Variants in SPTBN1 observed in about 807,000 individuals in gnomAD.
SPTBN1 encodes spectrin beta, non-erythrocytic 1.
SPTBN1 carries 32 observed loss-of-function variants against 266.4 expected under a neutral mutation model. That is an observed-to-expected ratio of 0.12 (90% CI 0.09 to 0.16). The LOEUF is 0.16. Among genes scored for constraint, SPTBN1 ranks in the 10% least tolerant of loss-of-function variants. The probability of loss-of-function intolerance (pLI) is 1.00; values close to 1 mark genes in which losing one functional copy is unlikely to be tolerated. For synonymous variants in SPTBN1, 1,336 were observed against 1,162.2 expected (o/e 1.15, Z -3.04); for missense variants, 2,296 against 3,067.1 (o/e 0.75, Z 5.94).
In SPTBN1 at chr2:54,632,779, C is replaced by G. The variant is rs1572717448; in HGVS notation, c.3767+11C>G. 4 of 1,613,862 alleles carry G rather than the reference C, an allele frequency of 2.5e-6. No homozygotes were observed. The African/African-American group carries it at 5.3e-5, about 21-fold the overall frequency. On this transcript the variant is annotated intron_variant, in intron 17 of 35. Transcript: ENST00000356805. ...CTCTATTGATGACAGGTACAGTTTT[C>G]TGAGGTTCTTAAGGGAGCCTTGCAC...
intron 24 of SPTBN1, among the ~76,000 whole-genome samples, chr2:54,647,941 A>G (rs1680026200): frequency 6.6e-6 from 1 of 152,236 alleles, no homozygotes; most frequent in Non-Finnish European, 1.5e-5. Flanking sequence ...CCAGTTTAGT[A>G]AAGTAATTAC....
At chr2:54,500,048 A>T (rs1458476150) in intron 1 of SPTBN1, among the ~76,000 whole-genome samples, 2 of 152,208 alleles carry the variant, frequency 1.3e-5, no homozygotes, top group Non-Finnish European at 2.9e-5. Context: ...TTCATTTCTT[A>T]GGATTTGTTT....
At chr2:54,497,550 G>A (rs1669033899) in intron 1 of SPTBN1, among the ~76,000 whole-genome samples, 2 of 152,090 alleles carry the variant, frequency 1.3e-5, no homozygotes, top group African/African-American at 4.8e-5. Context: ...ACTGAACAGT[G>A]ACTTGGTGTG....
At chr2:54,633,681 C>G (rs768865396) in intron 17 of SPTBN1, among the ~76,000 whole-genome samples, 7 of 152,336 alleles carry the variant, frequency 4.6e-5, no homozygotes, top group South Asian at 4.1e-4. Flanking sequence ...AATCAAAAAA[C>G]AAGCCCTTCC....
intron 2 of SPTBN1, among the ~76,000 whole-genome samples, chr2:54,563,145 T>C (rs1673431528): frequency 6.6e-6 from 1 of 152,194 alleles, no homozygotes; most frequent in Non-Finnish European, 1.5e-5. Context: ...TTCATATTTA[T>C]ATATATATTT....
At chr2:54,555,244 C>T (rs1161191287) in intron 2 of SPTBN1, among the ~76,000 whole-genome samples, 1 of 152,178 alleles carries the variant, frequency 6.6e-6, no homozygotes, top group Non-Finnish European at 1.5e-5. Flanking sequence ...TCTCAACTCC[C>T]ACCTCTGCAC....
chr2:54,560,817 TCAAGTATGGTGGAC>T (rs1673247959), intron 2 of SPTBN1, among the ~76,000 whole-genome samples: 1 of 152,180 alleles, frequency 6.6e-6, no homozygotes, highest in East Asian at 1.9e-4. Flanking sequence ...GAATTAACTT[TCAAGTATGGTGGAC>T]CTCAGGAGAA....
chr2:54,544,426 T>A (rs947472054), intron 2 of SPTBN1, among the ~76,000 whole-genome samples: 4 of 152,214 alleles, frequency 2.6e-5, no homozygotes, highest in Admixed American at 2.6e-4. Flanking sequence ...AGGTATCTCA[T>A]TTGTGATGTC....
At chr2:54,585,653 A>G (rs1675243199) in intron 2 of SPTBN1, among the ~76,000 whole-genome samples, 1 of 152,204 alleles carries the variant, frequency 6.6e-6, no homozygotes, top group Non-Finnish European at 1.5e-5. Context: ...GTAGCTGAGT[A>G]TCAATTGTCT....
At chr2:54,528,452 A>G (rs1670967094) in intron 2 of SPTBN1, 1 of 152,614 alleles carries the variant, frequency 6.6e-6, no homozygotes, top group African/African-American at 2.4e-5. Context: ...CAGTAACTGT[A>G]GTCATAATAA....
intron 17 of SPTBN1, among the ~76,000 whole-genome samples, chr2:54,634,864 G>T (rs935487861): frequency 1.3e-5 from 2 of 152,304 alleles, no homozygotes; most frequent in South Asian, 4.1e-4. Flanking sequence ...AAGTGCCTGT[G>T]AGTGGGAAGA....
At chr2:54,612,976 A>G (rs374050815) in intron 4 of SPTBN1, among the ~76,000 whole-genome samples, 233 of 152,326 alleles carry the variant, frequency 1.5e-3, no homozygotes, top group Middle Eastern at 0.014. Context: ...CATTTTGTCC[A>G]CTTCTTTCAC....
At chr2:54,557,624 C>T in intron 2 of SPTBN1, 1 of 746,418 alleles carries the variant, frequency 1.3e-6, no homozygotes. Flanking sequence ...ATCTCCCCTC[C>T]GGATCATAAA....
chr2:54,649,793 T>A lies in SPTBN1; in HGVS notation c.5381T>A (p.Ile1794Asn). The A allele has an allele frequency of 6.2e-7, 1 of 1,614,188 alleles. No homozygotes were observed. The highest frequency in any genetic ancestry group is 1.6e-4 in the Middle Eastern group (1 of 6,062). ...GCCTGGGCCGACCTCCTGGAGCTCA[T>A]TGACACAAGAACACAGATTCTTGCC... ...NEAWADLLEL[I>N]DTRTQILAAS... Residue 1794 changes from isoleucine (I) to asparagine (N), a missense_variant, in exon 26 of 36, where the codon ATT (isoleucine) becomes AAT (asparagine). This residue lies in a region of SPTBN1 where 644 missense variants were observed against 745.3 expected (regional missense o/e 0.86). Transcript: ENST00000356805. The surrounding 1 kb of genome is among the most constrained non-coding windows in gnomAD (Gnocchi z 6.7).
chr2:54,509,910 G>T (rs150187594), intron 1 of SPTBN1, among the ~76,000 whole-genome samples: 12 of 151,800 alleles, frequency 7.9e-5, no homozygotes, highest in Non-Finnish European at 1.5e-4. Context: ...GTGCAAATGG[G>T]TGGGTGCAGG....
At chr2:54,464,218 A>G (rs1392620793) in intron 1 of SPTBN1, among the ~76,000 whole-genome samples, 2 of 152,242 alleles carry the variant, frequency 1.3e-5, no homozygotes, top group African/African-American at 4.8e-5. Context: ...AATTAAAAAT[A>G]AGGACAAGTT....
Position 54,603,928 on chromosome 2 carries a change from G to A in SPTBN1, c.300+4685G>A, listed in dbSNP as rs1210085633. On this transcript the variant is annotated intron_variant, in intron 3 of 35. Transcript: ENST00000356805. ...CCTGAACAAGAGATTGGCAGACACT[G>A]TAGACTTCAGCTTTGGTGCTAGTGA... 3.9e-5 allele frequency among the ~76,000 whole-genome samples: 6 copies of A among 152,230 alleles called. No homozygotes were observed. The East Asian group carries it at 1.2e-3, about 29-fold the overall frequency.
rs560845004 is a variant in SPTBN1, at chr2:54,634,454, G to T, written c.3767+1686G>T. ...AAAGATAACCCTGTACTATCAATAA[G>T]CATAATAAAGATGGAAGGAGGGAGC... On this transcript the variant is annotated intron_variant, in intron 17 of 35. Coordinates refer to ENST00000356805, the MANE Select transcript of SPTBN1 (RefSeq NM_003128.3). Among the ~76,000 whole-genome samples, 33 of 152,282 alleles carry T rather than the reference G, an allele frequency of 2.2e-4. 1 individual carries two copies. The highest frequency in any genetic ancestry group is 1.9e-3 in the South Asian group (9 of 4,822).
chr2:54,461,996 C>T (rs573762884), intron 1 of SPTBN1, among the ~76,000 whole-genome samples: 18 of 152,240 alleles, frequency 1.2e-4, no homozygotes, highest in African/African-American at 4.1e-4. Flanking sequence ...AAAGAGCATT[C>T]GTTTTGGAGT....
Sources: allele counts gnomAD v4.1 joint callset (sites outside exome capture counted in the v4.1 genomes callset), GRCh38; gene constraint gnomAD v4.1.1; regional missense constraint gnomAD v4.1.1; non-coding constraint Gnocchi (gnomAD v3.1); transcripts MANE v1.5; gene names NCBI Gene and HGNC (gene_info 2026-07-23, HGNC 2026-07-21).